NFIB: variants seen among roughly 807,000 people sequenced by gnomAD.
NFIB encodes the protein nuclear factor I B.
Under a neutral mutation model 61.5 loss-of-function variants are expected in NFIB, and 11 were observed. The ratio of observed to expected loss-of-function variants is 0.18; its 90% CI spans 0.11 to 0.30. NFIB has a LOEUF of 0.30. Ranked by LOEUF, NFIB falls within the 10% of genes least tolerant of loss-of-function variation. The probability of loss-of-function intolerance (pLI) is 1.00; values close to 1 mark genes in which losing one functional copy is unlikely to be tolerated. For synonymous variants in NFIB, 260 were observed against 216.5 expected, an observed-to-expected ratio of 1.20 and a Z score of -1.76; for missense variants, 471 against 608.9, an observed-to-expected ratio of 0.77 and a Z score of 2.38.
At chr9:14,223,447 A>G (rs2051961174) in intron 2 of NFIB, among the ~76,000 whole-genome samples, 1 of 152,216 alleles carries the variant, frequency 6.6e-6, no homozygotes, top group African/African-American at 2.4e-5. Context: ...ATTCTCACCC[A>G]TTAGAAACAA....
At chr9:14,212,638 A>G (rs373861960) in intron 2 of NFIB, among the ~76,000 whole-genome samples, 2,354 of 60,602 alleles carry the variant, frequency 0.039, 59 homozygotes, top group African/African-American at 0.3. Context: ...TTCCTCTGGG[A>G]AAAAAAAAAA....
chr9:14,231,976 G>T (rs2053239395), intron 2 of NFIB, among the ~76,000 whole-genome samples: 1 of 152,180 alleles, frequency 6.6e-6, no homozygotes, highest in African/African-American at 2.4e-5. Flanking sequence ...GTGGCTGAAA[G>T]ACTTGGGAAA....
intron 1 of NFIB, among the ~76,000 whole-genome samples, chr9:14,328,910 T>C (rs2132843932): frequency 6.6e-6 from 1 of 152,372 alleles, no homozygotes; most frequent in Non-Finnish European, 1.5e-5. Flanking sequence ...TAAAACTTGA[T>C]ATATTTTGTT....
At chr9:14,210,565 C>T (rs890849754) in intron 2 of NFIB, among the ~76,000 whole-genome samples, 1 of 151,984 alleles carries the variant, frequency 6.6e-6, no homozygotes, top group African/African-American at 2.4e-5. Flanking sequence ...CACAAACACA[C>T]ACCCACACCC....
At chr9:14,262,819 C>T (rs1057051574) in intron 2 of NFIB, among the ~76,000 whole-genome samples, 1 of 152,106 alleles carries the variant, frequency 6.6e-6, no homozygotes, top group Non-Finnish European at 1.5e-5. Context: ...TCCTGCTGCA[C>T]CAGACCAGTT....
Position 14,087,471 on chromosome 9 carries a change from T to G in NFIB, c.*838A>C. The G allele has an allele frequency of 4.5e-6, 1 of 223,180 alleles. No individual in the cohort carries two copies. 13.8% of individuals were successfully genotyped at this position (223,180 alleles called of 1,614,324 possible). ...AGTGTTTCTTTTGTGGGGAAAATAT[T>G]ATATTAATTTTTACTGTTGCATGCA... On this transcript the variant is annotated 3_prime_UTR_variant, in exon 11 of 11. Transcript: ENST00000380953.
intron 2 of NFIB, among the ~76,000 whole-genome samples, chr9:14,255,165 G>C (rs1328306105): frequency 6.6e-6 from 1 of 152,088 alleles, no homozygotes; most frequent in African/African-American, 2.4e-5. Flanking sequence ...CGAGGCTGCA[G>C]TGAGCTATGA....
intron 2 of NFIB, among the ~76,000 whole-genome samples, chr9:14,288,420 T>C (rs1330320157): frequency 6.6e-6 from 1 of 152,090 alleles, no homozygotes; most frequent in Admixed American, 6.5e-5. Context: ...TATTAGATTC[T>C]TTTATTAACT....
chr9:14,413,085 G>A, the NFIB span, among the ~76,000 whole-genome samples: 175 of 152,228 alleles, frequency 1.1e-3, no homozygotes, highest in South Asian at 0.016. Context: ...GGGTAGCTCT[G>A]AACTGCCTTC....
At chr9:14,133,542 C>T (rs1443040327) in intron 6 of NFIB, among the ~76,000 whole-genome samples, 1 of 152,072 alleles carries the variant, frequency 6.6e-6, no homozygotes, top group Non-Finnish European at 1.5e-5. Context: ...GCCACAAATC[C>T]AGAGTCAGTC....
At chr9:14,409,880 G>T in the NFIB span, among the ~76,000 whole-genome samples, 3 of 152,100 alleles carry the variant, frequency 2.0e-5, no homozygotes, top group Admixed American at 2.0e-4. Flanking sequence ...ACTAATTAGG[G>T]ATTTAGGATA....
rs146121187 is a variant in NFIB, at chr9:14,282,052, G to C, written c.562+24937C>G. ...CATTCTAAAAATATTCTATTCCACA[G>C]CTCTGTCTACTCAGGGGGCAAGAAG... On this transcript the variant is annotated intron_variant, in intron 2 of 10. Transcript: ENST00000380953. Among the ~76,000 whole-genome samples, 1,396 of 152,244 alleles carry C rather than the reference G, an allele frequency of 9.2e-3. 15 individuals carry two copies. The highest frequency in any genetic ancestry group is 0.014 in the Middle Eastern group (4 of 294).
chr9:14,200,781 TC>T (rs2048953124), intron 2 of NFIB, among the ~76,000 whole-genome samples: 1 of 152,124 alleles, frequency 6.6e-6, no homozygotes, highest in Non-Finnish European at 1.5e-5. Flanking sequence ...ACATTCCCCC[TC>T]AGCAAACTCA....
At chr9:14,098,395 C>A (rs568347) in intron 10 of NFIB, among the ~76,000 whole-genome samples, 3 of 152,184 alleles carry the variant, frequency 2.0e-5, no homozygotes, top group Admixed American at 2.0e-4. Flanking sequence ...AGCACTCCCT[C>A]TAATGTTTTA....
At chr9:14,488,094 C>T in the NFIB span, among the ~76,000 whole-genome samples, 1 of 152,104 alleles carries the variant, frequency 6.6e-6, no homozygotes, top group African/African-American at 2.4e-5. Context: ...ATCACCTAGG[C>T]CAGGCACGGT....
intron 3 of NFIB, among the ~76,000 whole-genome samples, chr9:14,178,869 T>A (rs990484043): frequency 6.6e-6 from 1 of 152,152 alleles, no homozygotes; most frequent in African/African-American, 2.4e-5. Context: ...TTACTTCATA[T>A]AAACTTTCTG....
intron 1 of NFIB, among the ~76,000 whole-genome samples, chr9:14,323,788 T>C (rs930266460): frequency 4.0e-5 from 6 of 151,714 alleles, no homozygotes; most frequent in African/African-American, 1.2e-4. Context: ...ACACGCAGTA[T>C]TTTTTTTTAA....
At chr9:14,174,890 G>T (rs2045987475) in intron 3 of NFIB, among the ~76,000 whole-genome samples, 1 of 151,938 alleles carries the variant, frequency 6.6e-6, no homozygotes, top group Admixed American at 6.6e-5. Flanking sequence ...GGTCCTCAAG[G>T]ACCTATGCGA....
chr9:14,296,369 A>G (rs1223820826), intron 2 of NFIB, among the ~76,000 whole-genome samples: 1 of 152,268 alleles, frequency 6.6e-6, no homozygotes, highest in Non-Finnish European at 1.5e-5. Flanking sequence ...GACCAAGGTC[A>G]CAAAGCAGAT....
Sources: gnomAD v4.1 joint callset for allele counts (sites outside exome capture counted in the v4.1 genomes callset) on GRCh38, gnomAD v4.1.1 for gene constraint, MANE v1.5 for transcripts, NCBI Gene and HGNC (gene_info 2026-07-23, HGNC 2026-07-21) for gene names.